The following EPS15 variants were observed in gnomAD, a reference collection of about 807,000 sequenced individuals.
EPS15 encodes the protein epidermal growth factor receptor pathway substrate 15.
Under a neutral mutation model 113.8 loss-of-function variants are expected in EPS15, and 72 were observed. The observed-to-expected ratio is 0.63, with a 90% CI of 0.52 to 0.77. The LOEUF (loss-of-function observed/expected upper bound fraction) is 0.77, where lower values mean the gene tolerates loss of function less well. Among genes scored for constraint, EPS15 ranks in the 30% least tolerant of loss-of-function variants. EPS15 has a pLI of 0.00. For missense variants in EPS15, 1,048 were observed against 1,045.8 expected (o/e 1.00, Z -0.03); for synonymous variants, 344 against 363.4 (o/e 0.95, Z 0.61).
intron 1 of EPS15, among the ~76,000 whole-genome samples, chr1:51,491,082 A>C (rs1644224462): frequency 6.6e-6 from 1 of 152,216 alleles, no homozygotes; most frequent in Non-Finnish European, 1.5e-5. Flanking sequence ...GTGCGATGGC[A>C]AATCAGGGCC....
At chr1:51,457,510 C>CTTTTTTTT (rs34245440) in intron 8 of EPS15, 1 of 70,728 alleles carries the variant, frequency 1.4e-5, no homozygotes, top group Non-Finnish European at 2.7e-5. Context: ...GGAATATTAT[C>CTTTTTTTT]TTTTTTTTTT....
chr1:51,499,927 A>T (rs1482503727), intron 1 of EPS15, among the ~76,000 whole-genome samples: 1 of 152,244 alleles, frequency 6.6e-6, no homozygotes, highest in Non-Finnish European at 1.5e-5. Context: ...CCCAAACTGG[A>T]AATCTGTACA....
At chr1:51,393,157 C>T (rs1323148763) in intron 21 of EPS15, among the ~76,000 whole-genome samples, 1 of 152,226 alleles carries the variant, frequency 6.6e-6, no homozygotes, top group Admixed American at 6.5e-5. Context: ...AAACAATGCA[C>T]TCTGCTAAAT....
chr1:51,358,133 A>T (rs996788230), intron 24 of EPS15, among the ~76,000 whole-genome samples: 5 of 152,050 alleles, frequency 3.3e-5, no homozygotes, highest in African/African-American at 1.2e-4. Flanking sequence ...AACATGGCAA[A>T]ACTCTGTTTT....
At chr1:51,449,727 C>T (rs544035687) in intron 8 of EPS15, among the ~76,000 whole-genome samples, 1 of 151,672 alleles carries the variant, frequency 6.6e-6, no homozygotes, top group African/African-American at 2.4e-5. Context: ...AATTTGGGGG[C>T]TAGGGTTTTT....
chr1:51,356,113 T>G lies in EPS15; in HGVS notation c.*587A>C, dbSNP rs933659093. 2 of 207,498 alleles carry G rather than the reference T, an allele frequency of 9.6e-6. No individual in the cohort carries two copies. Among genetic ancestry groups the G allele is most frequent in the Non-Finnish European group, 9.8e-6 (1 of 101,838 alleles). 12.9% of individuals were successfully genotyped at this position (207,498 alleles called of 1,614,324 possible). ...AAGATCGAATCTGAGGCTATAATGGTTCAACCTACAGCATCCCTTTTCCAT... is the reference window on the plus strand; with the variant it reads ...AAGATCGAATCTGAGGCTATAATGGGTCAACCTACAGCATCCCTTTTCCAT... On this transcript the variant is annotated 3_prime_UTR_variant, in exon 25 of 25. Coordinates refer to ENST00000371733, the MANE Select transcript of EPS15 (RefSeq NM_001981.3).
intron 12 of EPS15, among the ~76,000 whole-genome samples, chr1:51,438,018 A>G (rs751608263): frequency 1.3e-5 from 2 of 152,202 alleles, no homozygotes; most frequent in Admixed American, 1.3e-4. Context: ...TTATAATGTA[A>G]TACCTTGAAG....
Position 51,468,582 on chromosome 1 carries a change from G to A in EPS15, c.214-14C>T, listed in dbSNP as rs985988401. On this transcript the variant is annotated splice_polypyrimidine_tract_variant and intron_variant, in intron 4 of 24. Coordinates refer to ENST00000371733, the MANE Select transcript of EPS15 (RefSeq NM_001981.3). ...AACAAAGAATTCCTAAGAAAGAAAA[G>A]TATGAATGTTAAGAGCATTCTCCCT... is the stretch of plus-strand genomic sequence containing the variant. The A allele has an allele frequency of 1.3e-6, 2 of 1,575,122 alleles. No individual in the cohort carries two copies. Among genetic ancestry groups the A allele is most frequent in the Non-Finnish European group, 1.7e-6 (2 of 1,146,106 alleles).
At chr1:51,484,707 A>G (rs1184598183) in intron 1 of EPS15, among the ~76,000 whole-genome samples, 1 of 152,188 alleles carries the variant, frequency 6.6e-6, no homozygotes, top group Non-Finnish European at 1.5e-5. Context: ...GACTTAAGCA[A>G]CCATGGGCAA....
intron 1 of EPS15, among the ~76,000 whole-genome samples, chr1:51,512,691 A>G (rs1199705325): frequency 6.6e-6 from 1 of 152,184 alleles, no homozygotes; most frequent in African/African-American, 2.4e-5. Flanking sequence ...AGCCTTACCC[A>G]TAAAGAAATA....
Position 51,409,710 on chromosome 1 carries a change from A to T in EPS15, c.1114-14T>A. 1 of 1,565,460 alleles carries T rather than the reference A, an allele frequency of 6.4e-7. No individual in the cohort carries two copies. Among genetic ancestry groups the T allele is most frequent in the Non-Finnish European group, 8.7e-7 (1 of 1,145,560 alleles). ...ATCTTGAAGATCCTAAAATCCAAGA[A>T]AATTAATATATTTATTTTCTTTGCG... is the stretch of plus-strand genomic sequence containing the variant. On this transcript the variant is annotated splice_polypyrimidine_tract_variant and intron_variant, in intron 13 of 24. Transcript: ENST00000371733.
At position 51,417,971 on chromosome 1, in the gene EPS15, T is replaced by C. The variant is rs1187670061; in HGVS notation, c.1113+3815A>G. ...CACATCTGAGAGTCATGATACTAAA[T>C]TGGTTTAGGAGGAAAGGCAAGAGCG... On this transcript the variant is annotated intron_variant, in intron 13 of 24. Coordinates refer to ENST00000371733, the MANE Select transcript of EPS15 (RefSeq NM_001981.3). Among the ~76,000 whole-genome samples the C allele has an allele frequency of 3.9e-5, 6 of 152,062 alleles. No individual in the cohort carries two copies. The South Asian group carries it at 1.2e-3, about 32-fold the overall frequency.
intron 1 of EPS15, among the ~76,000 whole-genome samples, chr1:51,485,684 T>A (rs149126648): frequency 1.3e-5 from 2 of 152,326 alleles, no homozygotes; most frequent in Non-Finnish European, 2.9e-5. Context: ...GACACTGAAA[T>A]ATATCCTTCA....
intron 20 of EPS15, among the ~76,000 whole-genome samples, chr1:51,398,265 G>C (rs186042876): frequency 7.7e-4 from 118 of 152,264 alleles, no homozygotes; most frequent in South Asian, 1.5e-3. Flanking sequence ...GTGTTAGCCA[G>C]GATGGTCTCG....
At chr1:51,446,333 CTG>C (rs1382064456) in intron 10 of EPS15, among the ~76,000 whole-genome samples, 1 of 152,026 alleles carries the variant, frequency 6.6e-6, no homozygotes, top group African/African-American at 2.4e-5. Flanking sequence ...CTTGAAGATA[CTG>C]TTTTTTACAT....
chr1:51,508,338 G>GAGAAAGAAA, intron 1 of EPS15, among the ~76,000 whole-genome samples: 1 of 122,332 alleles, frequency 8.2e-6, no homozygotes, highest in African/African-American at 3.2e-5. Context: ...AAGAGAAAGA[G>GAGAAAGAAA]AGAAAGAAAG....
intron 8 of EPS15, among the ~76,000 whole-genome samples, chr1:51,455,921 G>A (rs1328212728): frequency 6.6e-6 from 1 of 151,348 alleles, no homozygotes; most frequent in African/African-American, 2.4e-5. Context: ...TCATGCCAAG[G>A]CCTAACTTTT....
At chr1:51,383,550 A>G (rs1646988486) in intron 21 of EPS15, among the ~76,000 whole-genome samples, 1 of 152,198 alleles carries the variant, frequency 6.6e-6, no homozygotes, top group Non-Finnish European at 1.5e-5. Flanking sequence ...GTTCACAATA[A>G]GGTTCAAGCT....
At chr1:51,395,650 C>T (rs1289803693) in intron 20 of EPS15, among the ~76,000 whole-genome samples, 1 of 152,124 alleles carries the variant, frequency 6.6e-6, no homozygotes, top group African/African-American at 2.4e-5. Flanking sequence ...TTACCAGATG[C>T]CAGCGATTCT....
Sources: allele counts gnomAD v4.1 joint callset (sites outside exome capture counted in the v4.1 genomes callset), GRCh38; gene constraint gnomAD v4.1.1; transcripts MANE v1.5; gene names NCBI Gene and HGNC (gene_info 2026-07-23, HGNC 2026-07-21).